The following ASPRV1 variants were observed in gnomAD, a reference collection of about 807,000 sequenced individuals.
ASPRV1 encodes the protein aspartic peptidase retroviral like 1, also known as retroviral-like aspartic protease 1.
ASPRV1 carries 7 observed loss-of-function variants against 11.0 expected under a neutral mutation model. The observed-to-expected ratio is 0.64, with a 90% CI of 0.36 to 1.20. The LOEUF (loss-of-function observed/expected upper bound fraction) is 1.20, where lower values mean the gene tolerates loss of function less well. Among genes scored for constraint, ASPRV1 ranks in the 50% most tolerant of loss-of-function variants. The probability of loss-of-function intolerance (pLI) is 0.02; values close to 1 mark genes in which losing one functional copy is unlikely to be tolerated. For missense variants in ASPRV1, 299 were observed against 320.0 expected (o/e 0.93, Z 0.50); for synonymous variants, 136 against 138.4 (o/e 0.98, Z 0.12).
At chr2:70,053,937 C>T in the ASPRV1 span, 2 of 152,242 alleles carry the variant, frequency 1.3e-5, no homozygotes, top group African/African-American at 4.8e-5. Flanking sequence ...TTGAACAACT[C>T]GTATTATGCT....
the ASPRV1 span, among the ~76,000 whole-genome samples, chr2:70,077,537 G>T: frequency 6.6e-6 from 1 of 152,146 alleles, no homozygotes; most frequent in Non-Finnish European, 1.5e-5. Flanking sequence ...AAATAAAGCA[G>T]AGATAAATAG....
At chr2:69,940,199 G>A in the ASPRV1 span, 1 of 148,624 alleles carries the variant, frequency 6.7e-6, no homozygotes, top group Non-Finnish European at 1.5e-5. Context: ...ACCAGCTAAA[G>A]ATTTGCACTG....
chr2:69,993,995 C>T, the ASPRV1 span: 17 of 152,248 alleles, frequency 1.1e-4, no homozygotes, highest in African/African-American at 1.9e-4. Context: ...TTGGTTCAGA[C>T]GCAGGGATTT....
the ASPRV1 span, among the ~76,000 whole-genome samples, chr2:69,950,891 T>TAAATAAA: frequency 1.4e-4 from 18 of 127,322 alleles, no homozygotes; most frequent in East Asian, 6.4e-4. Flanking sequence ...AAATAAATAA[T>TAAATAAA]AAAAAATAAA....
chr2:70,038,773 A>G, the ASPRV1 span, among the ~76,000 whole-genome samples: 984 of 152,276 alleles, frequency 6.5e-3, 5 homozygotes, highest in African/African-American at 0.022. Flanking sequence ...GGAGAGAAAG[A>G]TAAGATTATA....
the ASPRV1 span, among the ~76,000 whole-genome samples, chr2:69,978,553 C>T: frequency 6.4e-3 from 981 of 152,350 alleles, 7 homozygotes; most frequent in African/African-American, 0.022. Context: ...CCAGAGCTAC[C>T]TCCCGTTCAC....
the ASPRV1 span, among the ~76,000 whole-genome samples, chr2:70,052,399 G>C: frequency 6.6e-6 from 1 of 152,118 alleles, no homozygotes; most frequent in Admixed American, 6.6e-5. Context: ...ACAGTAACAA[G>C]ATATGACTCC....
the ASPRV1 span, chr2:70,081,314 G>A: frequency 6.6e-6 from 1 of 151,960 alleles, no homozygotes; most frequent in African/African-American, 2.4e-5. Flanking sequence ...CTAACACAGT[G>A]AAACCCCATC....
the ASPRV1 span, chr2:70,000,416 A>G: frequency 1.3e-5 from 2 of 151,860 alleles, no homozygotes; most frequent in Non-Finnish European, 2.9e-5. Flanking sequence ...AATAAATAAG[A>G]AAAAAATAAT....
the ASPRV1 span, chr2:70,046,250 C>G: frequency 3.9e-5 from 6 of 152,192 alleles, no homozygotes; most frequent in African/African-American, 1.4e-4. Flanking sequence ...TCTTTGGACT[C>G]AAGCAACAGG....
the ASPRV1 span, among the ~76,000 whole-genome samples, chr2:70,018,380 T>C: frequency 6.6e-6 from 1 of 151,982 alleles, no homozygotes; most frequent in Non-Finnish European, 1.5e-5. Flanking sequence ...AAGCAATCTC[T>C]ATCAAAATAC....
At chr2:69,986,071 C>T in the ASPRV1 span, among the ~76,000 whole-genome samples, 1 of 152,196 alleles carries the variant, frequency 6.6e-6, no homozygotes, top group Non-Finnish European at 1.5e-5. Context: ...AAGCAGTCAT[C>T]CTTGACTTAT....
At chr2:70,044,741 G>A in the ASPRV1 span, among the ~76,000 whole-genome samples, 841 of 152,292 alleles carry the variant, frequency 5.5e-3, 8 homozygotes, top group Middle Eastern at 0.02. Flanking sequence ...TTCCGGGCGT[G>A]AGCCACCACG....
At chr2:69,966,036 T>G (rs554757733), upstream of ASPRV1, among the ~76,000 whole-genome samples, 1 of 152,262 alleles carries the variant, frequency 6.6e-6, no homozygotes, top group African/African-American at 2.4e-5. Flanking sequence ...AAATCCACTA[T>G]GTCAGGAGGC....
chr2:69,961,713 C>T, upstream of ASPRV1: 2 of 1,520,020 alleles, frequency 1.3e-6, no homozygotes, highest in Non-Finnish European at 1.8e-6. Flanking sequence ...GAAGCTCCGC[C>T]CCTCCTCACC....
the ASPRV1 span, among the ~76,000 whole-genome samples, chr2:69,954,035 G>A: frequency 1.3e-3 from 204 of 152,254 alleles, 9 homozygotes; most frequent in South Asian, 0.04. Flanking sequence ...TTTAATTATG[G>A]AAAACTTTCT....
the ASPRV1 span, among the ~76,000 whole-genome samples, chr2:70,009,279 C>T: frequency 6.6e-6 from 1 of 151,722 alleles, no homozygotes; most frequent in Non-Finnish European, 1.5e-5. Flanking sequence ...AATGATGAAG[C>T]TGTATTCAGC....
At chr2:69,963,541 G>A (rs1255266513), upstream of ASPRV1, 1 of 431,362 alleles carries the variant, frequency 2.3e-6, no homozygotes. Context: ...ATGCGACCAA[G>A]GGAGGAGCGA....
chr2:70,008,375 T>C, the ASPRV1 span, among the ~76,000 whole-genome samples: 9 of 152,090 alleles, frequency 5.9e-5, no homozygotes, highest in African/African-American at 1.4e-4. Flanking sequence ...ATCCTGACAA[T>C]AGAAAACTTA....
Sources: gnomAD v4.1 joint callset for allele counts (sites outside exome capture counted in the v4.1 genomes callset) on GRCh38, gnomAD v4.1.1 for gene constraint, MANE v1.5 for transcripts, NCBI Gene and HGNC (gene_info 2026-07-23, HGNC 2026-07-21) for gene names.